The following RFPL1 variants were observed in gnomAD, a reference collection of about 807,000 sequenced individuals.
RFPL1 encodes the protein ret finger protein-like 1.
RFPL1 carries 6 observed loss-of-function variants against 9.6 expected under a neutral mutation model. That is an observed-to-expected ratio of 0.62 (90% CI 0.34 to 1.23). The LOEUF (loss-of-function observed/expected upper bound fraction) is 1.23, where lower values mean the gene tolerates loss of function less well. Ranked by LOEUF, RFPL1 falls within the 50% of genes most tolerant of loss-of-function variation. RFPL1 has a pLI of 0.03. For synonymous variants in RFPL1, 145 were observed against 149.4 expected (o/e 0.97, Z 0.22); for missense variants, 352 against 398.4 (o/e 0.88, Z 0.99).
the RFPL1 span, among the ~76,000 whole-genome samples, chr22:29,406,156 A>AG: frequency 7.6e-6 from 1 of 132,348 alleles, no homozygotes; most frequent in Non-Finnish European, 1.6e-5. Context: ...ATAAAAAAAA[A>AG]GAAATAACAC....
At chr22:29,399,947 A>G in the RFPL1 span, among the ~76,000 whole-genome samples, 1 of 151,572 alleles carries the variant, frequency 6.6e-6, no homozygotes, top group South Asian at 2.1e-4. Context: ...TCACTGTTGA[A>G]GAAAGCCATT....
At chr22:29,395,293 C>T in the RFPL1 span, among the ~76,000 whole-genome samples, 1 of 152,148 alleles carries the variant, frequency 6.6e-6, no homozygotes, top group South Asian at 2.1e-4. Flanking sequence ...TCTCTGTTTG[C>T]TTGCTGGTTT....
At chr22:29,392,462 T>C in the RFPL1 span, among the ~76,000 whole-genome samples, 1 of 143,936 alleles carries the variant, frequency 6.9e-6, no homozygotes, top group Non-Finnish European at 1.5e-5. Context: ...CAAATTTGGT[T>C]CACTGCAACT....
the RFPL1 span, among the ~76,000 whole-genome samples, chr22:29,432,297 A>G: frequency 5.9e-5 from 9 of 152,326 alleles, no homozygotes; most frequent in East Asian, 1.7e-3. Flanking sequence ...CTCAGGTGAC[A>G]GTACTCTAAA....
At chr22:29,438,149 C>T (rs545153990), upstream of RFPL1, 53 of 162,958 alleles carry the variant, frequency 3.3e-4, no homozygotes, top group Non-Finnish European at 5.8e-4. Flanking sequence ...GCTGGGATTA[C>T]AGATGTGAGC....
the RFPL1 span, among the ~76,000 whole-genome samples, chr22:29,417,942 T>G: frequency 6.7e-6 from 1 of 149,692 alleles, no homozygotes. Context: ...TGAATGGTTT[T>G]TTTTTTTTTT....
chr22:29,416,389 G>A, the RFPL1 span, among the ~76,000 whole-genome samples: 2 of 152,140 alleles, frequency 1.3e-5, no homozygotes, highest in African/African-American at 4.8e-5. Context: ...GTCCTAGGGA[G>A]TAGTTTTTGT....
the RFPL1 span, among the ~76,000 whole-genome samples, chr22:29,410,380 A>G: frequency 6.1e-4 from 54 of 88,582 alleles, no homozygotes; most frequent in Non-Finnish European, 1.0e-3. Context: ...ATCTATATAT[A>G]TAGATATATA....
At chr22:29,411,789 A>C in the RFPL1 span, among the ~76,000 whole-genome samples, 2 of 152,244 alleles carry the variant, frequency 1.3e-5, no homozygotes, top group Non-Finnish European at 2.9e-5. Context: ...AACTGAAAAT[A>C]AATCTGAAAG....
chr22:29,395,225 T>C, the RFPL1 span, among the ~76,000 whole-genome samples: 170 of 152,340 alleles, frequency 1.1e-3, 2 homozygotes, highest in African/African-American at 3.8e-3. Flanking sequence ...CCTTTCTATA[T>C]ACATTCCCAG....
At chr22:29,416,207 C>G in the RFPL1 span, among the ~76,000 whole-genome samples, 1 of 152,256 alleles carries the variant, frequency 6.6e-6, no homozygotes, top group Admixed American at 6.5e-5. Flanking sequence ...CCTTGGGCCT[C>G]TGCATTTCCA....
At chr22:29,427,183 AG>A in the RFPL1 span, among the ~76,000 whole-genome samples, 29 of 152,148 alleles carry the variant, frequency 1.9e-4, no homozygotes, top group African/African-American at 2.9e-4. Flanking sequence ...GGAAACACTG[AG>A]GGGGGGCCTG....
the RFPL1 span, among the ~76,000 whole-genome samples, chr22:29,409,113 C>T: frequency 6.6e-6 from 1 of 151,596 alleles, no homozygotes; most frequent in Admixed American, 6.6e-5. Flanking sequence ...ACATGCAAAA[C>T]AACTCACCCA....
the RFPL1 span, among the ~76,000 whole-genome samples, chr22:29,403,972 CT>C: frequency 1.3e-5 from 2 of 152,092 alleles, no homozygotes; most frequent in African/African-American, 2.4e-5. Flanking sequence ...GCACAAAGTC[CT>C]TGTTGCATTA....
the RFPL1 span, among the ~76,000 whole-genome samples, chr22:29,428,056 T>G: frequency 2.0e-5 from 3 of 152,192 alleles, no homozygotes; most frequent in Non-Finnish European, 4.4e-5. Flanking sequence ...AAGTCCCTAT[T>G]AAATGTTTCT....
chr22:29,441,267 G>A lies in RFPL1; in HGVS notation c.374-275G>A, dbSNP rs1207111471. ...GGGGGTCATGGTGTCTGCCTTCAGA[G>A]ACCCTCCACTCTAAATGAAGAAAAG... On this transcript the variant is annotated intron_variant, in intron 1 of 1. Coordinates refer to ENST00000354373, the Ensembl canonical transcript of RFPL1. The A allele has an allele frequency of 5.2e-5, 24 of 461,152 alleles. No individual in the cohort carries two copies. The Admixed American group carries it at 9.2e-4, about 18-fold the overall frequency. The allele number at this position is 461,152 out of a possible 1,614,324, so 28.6% of individuals were successfully genotyped here. A position where few individuals can be genotyped will look rare whatever the true frequency, so the allele number is the denominator to read the frequency against.
the RFPL1 span, among the ~76,000 whole-genome samples, chr22:29,400,291 C>T: frequency 1.3e-5 from 2 of 152,162 alleles, no homozygotes. Context: ...CCACCACGCC[C>T]GGCCTATCAA....
upstream of RFPL1, among the ~76,000 whole-genome samples, chr22:29,436,287 G>T (rs1602914948): frequency 6.6e-6 from 1 of 151,898 alleles, no homozygotes; most frequent in African/African-American, 2.4e-5. Flanking sequence ...GATTAGGAAG[G>T]CTCCCATCAC....
At chr22:29,398,607 C>T in the RFPL1 span, among the ~76,000 whole-genome samples, 2 of 152,124 alleles carry the variant, frequency 1.3e-5, no homozygotes, top group Non-Finnish European at 2.9e-5. Flanking sequence ...AGTCACTTGC[C>T]CTTTCTGTGC....
Sources: allele counts gnomAD v4.1 joint callset (sites outside exome capture counted in the v4.1 genomes callset), GRCh38; gene constraint gnomAD v4.1.1; transcripts MANE v1.5; gene names NCBI Gene and HGNC (gene_info 2026-07-23, HGNC 2026-07-21).